CEBPA: variants seen among roughly 807,000 people sequenced by gnomAD.
CEBPA encodes the protein CCAAT enhancer binding protein alpha.
Under a neutral mutation model 5.1 loss-of-function variants are expected in CEBPA, and 2 were observed. That is an observed-to-expected ratio of 0.39 (90% CI 0.16 to 1.23). CEBPA has a LOEUF of 1.23. Ranked by LOEUF, CEBPA falls within the 50% of genes most tolerant of loss-of-function variation. The pLI is 0.34. For missense variants in CEBPA, 455 were observed against 537.4 expected, an observed-to-expected ratio of 0.85 and a Z score of 1.52; for synonymous variants, 275 against 264.1, an observed-to-expected ratio of 1.04 and a Z score of -0.40.
Position 33,301,055 on chromosome 19 carries a change from A to G in CEBPA, c.*283T>C, listed in dbSNP as rs1168010048. 6 of 548,164 alleles carry G rather than the reference A, an allele frequency of 1.1e-5. No individual in the cohort carries two copies. Among genetic ancestry groups the G allele is most frequent in the East Asian group, 6.0e-5 (2 of 33,490 alleles). The allele number at this position is 548,164 out of a possible 1,614,324, so 34.0% of individuals were successfully genotyped here. Reference sequence around the variant, plus strand: ...CGGTGAGTTTGCATTTCCAAGGCACAAGGTTATCCTAAATACTAGAGTTGC... The same window carrying G: ...CGGTGAGTTTGCATTTCCAAGGCACGAGGTTATCCTAAATACTAGAGTTGC... On this transcript the variant is annotated 3_prime_UTR_variant, in exon 1 of 1. Coordinates refer to ENST00000498907, the MANE Select transcript of CEBPA (RefSeq NM_004364.5). This position sits in a 1 kb window ranked among gnomAD's most constrained non-coding sequence, Gnocchi z 6.0.
Position 33,301,613 on chromosome 19 carries a change from C to A in CEBPA, c.802G>T (p.Gly268Cys), listed in dbSNP as rs1568419433. 2 of 1,593,778 alleles carry A rather than the reference C, an allele frequency of 1.3e-6. No homozygotes were observed. The highest frequency in any genetic ancestry group is 1.7e-4 in the Middle Eastern group (1 of 6,038). ...AAHPDLRASG[G>C]SGAGKAKKSV... ...TTCTTGGCCTTGCCCGCGCCGCTGC[C>A]GCCACTCGCGCGGAGGTCGGGGTGC... Residue 268 changes from glycine (G) to cysteine (C), a missense_variant, in exon 1 of 1, where the codon GGC becomes TGC. Physicochemically the swap from Gly to Cys is radical, Grantham distance 159. Coordinates refer to ENST00000498907, the MANE Select transcript of CEBPA (RefSeq NM_004364.5). The surrounding 1 kb of genome is among the most constrained non-coding windows in gnomAD (Gnocchi z 6.0).
chr19:33,300,700 C>A lies in CEBPA; in HGVS notation c.*638G>T. ...AGTTCCGCCCCAAGGGGAAGCCCAG[C>A]CTATAGCAGGCTGGGGTGGGGTGTG... On this transcript the variant is annotated 3_prime_UTR_variant, in exon 1 of 1. Coordinates refer to ENST00000498907, the MANE Select transcript of CEBPA (RefSeq NM_004364.5). 4.3e-6 allele frequency: 1 copy of A among 233,870 alleles called. No homozygotes were observed. The highest frequency in any genetic ancestry group is 8.4e-6 in the Non-Finnish European group (1 of 118,364). The allele number at this position is 233,870 out of a possible 1,614,324, so 14.5% of individuals were successfully genotyped here.
In CEBPA at chr19:33,300,020, G is replaced by C; in HGVS notation, c.*1318C>G. On this transcript the variant is annotated 3_prime_UTR_variant, in exon 1 of 1. Transcript: ENST00000498907. ...GTTCTCCCCAAAAGAAGAGAACCAA[G>C]CCGTCCTTCCCTGCTCCCAGCCCCA... 1 of 233,342 alleles carries C rather than the reference G, an allele frequency of 4.3e-6. No individual in the cohort carries two copies. The highest frequency in any genetic ancestry group is 8.5e-6 in the Non-Finnish European group (1 of 118,048). 14.5% of individuals were successfully genotyped at this position (233,342 alleles called of 1,614,324 possible).
rs1462981743 is a variant in CEBPA at position 33,301,185 on chromosome 19, G to A, written c.*153C>T. 22 of 1,289,866 alleles carry A rather than the reference G, an allele frequency of 1.7e-5. No individual in the cohort carries two copies. Among genetic ancestry groups the A allele is most frequent in the Non-Finnish European group, 2.3e-5 (22 of 966,018 alleles). 79.9% of individuals were successfully genotyped at this position (1,289,866 alleles called of 1,614,324 possible). On this transcript the variant is annotated 3_prime_UTR_variant, in exon 1 of 1. Transcript: ENST00000498907. This position sits in a 1 kb window ranked among gnomAD's most constrained non-coding sequence, Gnocchi z 6.0. ...CCAAGTCCGGCGCAGAGGAAGGGAG[G>A]GGACACGCGGAGCAGGCCAGGCTTT...
chr19:33,300,810 C>T lies in CEBPA; in HGVS notation c.*528G>A, dbSNP rs941717635. 2 of 242,530 alleles carry T rather than the reference C, an allele frequency of 8.2e-6. No homozygotes were observed. Among genetic ancestry groups the T allele is most frequent in the African/African-American group, 4.4e-5 (2 of 45,462 alleles). 15.0% of individuals were successfully genotyped at this position (242,530 alleles called of 1,614,324 possible). On this transcript the variant is annotated 3_prime_UTR_variant, in exon 1 of 1. Coordinates refer to ENST00000498907, the MANE Select transcript of CEBPA (RefSeq NM_004364.5). ...GGGAACAACCTTAGGTTCCAAGCCC[C>T]AAGTCCCTATGTTTCCACCCCTTTC...
rs776590829 is a variant in CEBPA, at chr19:33,301,540, T to G, written c.875A>C (p.Asn292Thr). Residue 292 changes from asparagine (N) to threonine (T), a missense_variant, in exon 1 of 1, where the codon AAC becomes ACC. Asn to Thr is a moderately conservative substitution (Grantham distance 65). Around this residue, in one of 5 missense-constraint regions of CEBPA, gnomAD observed 118 missense variants for 189.3 expected, o/e 0.62. Coordinates refer to ENST00000498907, the MANE Select transcript of CEBPA (RefSeq NM_004364.5). The surrounding 1 kb of genome is among the most constrained non-coding windows in gnomAD (Gnocchi z 6.0). ...GCGGCTCTTGCGCACCGCGATGTTG[T>G]TGCGCTCGCGCCGCACCCGGTACTC... ...SNEYRVRRER[N>T]NIAVRKSRDK... The G allele has an allele frequency of 6.2e-7, 1 of 1,613,386 alleles. No homozygotes were observed. The highest frequency in any genetic ancestry group is 1.7e-5 in the Admixed American group (1 of 60,004).
rs1488417025 is a variant in CEBPA, at chr19:33,301,897, A to C, written c.518T>G (p.Leu173Arg). 2 of 1,241,318 alleles carry C rather than the reference A, an allele frequency of 1.6e-6. No individual in the cohort carries two copies. Among genetic ancestry groups the C allele is most frequent in the Admixed American group, 3.5e-5 (1 of 28,476 alleles). 76.9% of individuals were successfully genotyped at this position (1,241,318 alleles called of 1,614,324 possible). A position where few individuals can be genotyped will look rare whatever the true frequency, so the allele number is the denominator to read the frequency against. ...GTAAGGGAAGAGGCCGGCCAGCGCC[A>C]GCTGCTTGGCTTCATCCTCCTCGCG... ...EPREEDEAKQ[L>R]ALAGLFPYQP... is the part of the protein sequence containing the mutation. The change falls in exon 1 of 1, where the codon CTG becomes CGG. Residue 173 changes from leucine to arginine, a missense_variant. By Grantham distance (102) the Leu-to-Arg change is moderately radical. This residue lies in a region of CEBPA where 141 missense variants were observed against 124.1 expected (regional missense o/e 1.14). Transcript: ENST00000498907. The surrounding 1 kb of genome is among the most constrained non-coding windows in gnomAD (Gnocchi z 6.0).
rs1237477774 is a variant in CEBPA at position 33,301,841 on chromosome 19, G to A, written c.574C>T (p.Pro192Ser). Residue 192 changes from proline (P) to serine (S), a missense_variant, in exon 1 of 1, where the codon CCG becomes TCG. By Grantham distance (74) the Pro-to-Ser change is moderately conservative (BLOSUM62 -1). Around this residue, in one of 5 missense-constraint regions of CEBPA, gnomAD observed 141 missense variants for 124.1 expected, o/e 1.14. Coordinates refer to ENST00000498907, the MANE Select transcript of CEBPA (RefSeq NM_004364.5). The surrounding 1 kb of genome is among the most constrained non-coding windows in gnomAD (Gnocchi z 6.0). The stretch of plus-strand genomic sequence containing the variant: ...TGCGCGGGCGGCGGGTGCGGGTGCG[G>A]GTGCGAGGGCGGCGGCGGCGGCGGC... ...QPPPPPPPSH[P>S]HPHPPPAHLA... The A allele has an allele frequency of 1.5e-6, 2 of 1,310,346 alleles. No individual in the cohort carries two copies. Among genetic ancestry groups the A allele is most frequent in the Non-Finnish European group, 1.9e-6 (2 of 1,027,422 alleles). 81.2% of individuals were successfully genotyped at this position (1,310,346 alleles called of 1,614,324 possible). A position where few individuals can be genotyped will look rare whatever the true frequency, so the allele number is the denominator to read the frequency against.
Position 33,301,912 on chromosome 19 carries a change from T to C in CEBPA, c.503A>G (p.Asp168Gly). 1 of 1,188,886 alleles carries C rather than the reference T, an allele frequency of 8.4e-7. No individual in the cohort carries two copies. The highest frequency in any genetic ancestry group is 1.1e-6 in the Non-Finnish European group (1 of 951,760). The allele number at this position is 1,188,886 out of a possible 1,614,324, so 73.6% of individuals were successfully genotyped here. The change falls in exon 1 of 1, where the codon GAT becomes GGT. Residue 168 changes from aspartate to glycine, a missense_variant. Asp to Gly is a moderately conservative substitution (Grantham distance 94). Transcript: ENST00000498907. This position sits in a 1 kb window ranked among gnomAD's most constrained non-coding sequence, Gnocchi z 6.0. ...LVIKQEPREE[D>G]EAKQLALAGL... ...GGCCAGCGCCAGCTGCTTGGCTTCA[T>C]CCTCCTCGCGGGGCTCCTGCTTGAT...
rs1967155881 is a variant in CEBPA, at chr19:33,301,354, A to G, written c.1061T>C (p.Met354Thr). Residue 354 changes from methionine to threonine, a missense_variant, in exon 1 of 1, where the codon ATG becomes ACG. Met to Thr is a moderately conservative substitution (Grantham distance 81). Transcript: ENST00000498907. This position sits in a 1 kb window ranked among gnomAD's most constrained non-coding sequence, Gnocchi z 6.0. ...CCGCGCGCCTCACGCGCAGTTGCCC[A>G]TGGCCTTGACCAAGGAGCTCTCTGG... is the stretch of plus-strand genomic sequence containing the variant. Reference protein sequence around the residue: ...QLPESSLVKAMGNCA With the variant: ...QLPESSLVKATGNCA 6.2e-7 allele frequency: 1 copy of G among 1,601,674 alleles called. No homozygotes were observed. The highest frequency in any genetic ancestry group is 8.5e-7 in the Non-Finnish European group (1 of 1,178,162).
At position 33,301,221 on chromosome 19, in the gene CEBPA, C is replaced by G. The variant is rs572666955; in HGVS notation, c.*117G>C. 2.1e-6 allele frequency: 3 copies of G among 1,439,216 alleles called. No homozygotes were observed. The East Asian group carries it at 7.5e-5, about 36-fold the overall frequency. The allele number at this position is 1,439,216 out of a possible 1,614,324, so 89.2% of individuals were successfully genotyped here. A position where few individuals can be genotyped will look rare whatever the true frequency, so the allele number is the denominator to read the frequency against. On this transcript the variant is annotated 3_prime_UTR_variant, in exon 1 of 1. Transcript: ENST00000498907. This position sits in a 1 kb window ranked among gnomAD's most constrained non-coding sequence, Gnocchi z 6.0. The stretch of plus-strand genomic sequence containing the variant: ...AGCAGGCCAGGCTTTCAGGAGGCAC[C>G]GGAATCTCCTAGTCCTGGCTCGCAC...
In CEBPA at chr19:33,301,691, C is replaced by T. The variant is rs530569305; in HGVS notation, c.724G>A (p.Gly242Ser). 8.3e-4 allele frequency: 963 copies of T among 1,166,366 alleles called. No individual in the cohort carries two copies. Among genetic ancestry groups the T allele is most frequent in the Non-Finnish European group, 9.5e-4 (905 of 949,358 alleles). 72.3% of individuals were successfully genotyped at this position (1,166,366 alleles called of 1,614,324 possible). ...CCAGGGCCCGGCAGGCCGGCGGCAC[C>T]GAGCGCGGGCGCGGGGTGCGGGCTG... Reference protein sequence around the residue: ...VPSPHPAPALGAAGLPGPGSA... With the variant: ...VPSPHPAPALSAAGLPGPGSA... Residue 242 changes from glycine (G) to serine (S), a missense_variant, in exon 1 of 1, where the codon GGT becomes AGT. Around this residue, in one of 5 missense-constraint regions of CEBPA, gnomAD observed 118 missense variants for 189.3 expected, o/e 0.62. Coordinates refer to ENST00000498907, the MANE Select transcript of CEBPA (RefSeq NM_004364.5). This position sits in a 1 kb window ranked among gnomAD's most constrained non-coding sequence, Gnocchi z 6.0.
In CEBPA at chr19:33,301,380, C is replaced by A. The variant is rs1181818523; in HGVS notation, c.1035G>T (p.Leu345=). The stretch of plus-strand genomic sequence containing the variant: ...TGGCCTTGACCAAGGAGCTCTCTGG[C>A]AGCTGGCGGAAGATGCCCCGCAGCG... ...LDTLRGIFRQ[L]PESSLVKAMG... is the part of the protein sequence containing the mutation. Residue 345 remains leucine, a synonymous_variant, in exon 1 of 1, where the codon CTG becomes CTT. Coordinates refer to ENST00000498907, the MANE Select transcript of CEBPA (RefSeq NM_004364.5). This position sits in a 1 kb window ranked among gnomAD's most constrained non-coding sequence, Gnocchi z 6.0. The A allele has an allele frequency of 6.2e-7, 1 of 1,608,018 alleles. No individual in the cohort carries two copies. Among genetic ancestry groups the A allele is most frequent in the South Asian group, 1.1e-5 (1 of 90,920 alleles).
chr19:33,301,824 C>A lies in CEBPA; in HGVS notation c.591G>T (p.Pro197=), dbSNP rs1253794663. 3 of 1,228,528 alleles carry A rather than the reference C, an allele frequency of 2.4e-6. No individual in the cohort carries two copies. Among genetic ancestry groups the A allele is most frequent in the Non-Finnish European group, 3.1e-6 (3 of 980,358 alleles). 76.1% of individuals were successfully genotyped at this position (1,228,528 alleles called of 1,614,324 possible). ...PPPSHPHPHP[P]PAHLAAPHLQ... is the part of the protein sequence containing the mutation. ...GGTGCGGGGCGGCCAGGTGCGCGGG[C>A]GGCGGGTGCGGGTGCGGGTGCGAGG... The change falls in exon 1 of 1, where the codon CCG becomes CCT. Residue 197 remains proline, a synonymous_variant. Transcript: ENST00000498907. The surrounding 1 kb of genome is among the most constrained non-coding windows in gnomAD (Gnocchi z 6.0).
At position 33,301,557 on chromosome 19, in the gene CEBPA, C is replaced by G. The variant is rs1967165387; in HGVS notation, c.858G>C (p.Arg286=). 2 of 1,613,040 alleles carry G rather than the reference C, an allele frequency of 1.2e-6. No individual in the cohort carries two copies. The highest frequency in any genetic ancestry group is 1.7e-6 in the Non-Finnish European group (2 of 1,179,732). Residue 286 remains arginine (R), a synonymous_variant, in exon 1 of 1, where the codon CGG becomes CGC. Coordinates refer to ENST00000498907, the MANE Select transcript of CEBPA (RefSeq NM_004364.5). The surrounding 1 kb of genome is among the most constrained non-coding windows in gnomAD (Gnocchi z 6.0). ...KSVDKNSNEY[R]VRRERNNIAV... ...CGATGTTGTTGCGCTCGCGCCGCAC[C>G]CGGTACTCGTTGCTGTTCTTGTCCA...
At position 33,301,047 on chromosome 19, in the gene CEBPA, C is replaced by G; in HGVS notation, c.*291G>C. On this transcript the variant is annotated 3_prime_UTR_variant, in exon 1 of 1. Transcript: ENST00000498907. This position sits in a 1 kb window ranked among gnomAD's most constrained non-coding sequence, Gnocchi z 6.0. ...CATTGGAGCGGTGAGTTTGCATTTCCAAGGCACAAGGTTATCCTAAATACT... is the reference window on the plus strand; with the variant it reads ...CATTGGAGCGGTGAGTTTGCATTTCGAAGGCACAAGGTTATCCTAAATACT... The G allele has an allele frequency of 1.9e-6, 1 of 516,996 alleles. No homozygotes were observed. The highest frequency in any genetic ancestry group is 3.1e-5 in the East Asian group (1 of 32,030). 32.0% of individuals were successfully genotyped at this position (516,996 alleles called of 1,614,324 possible). A position where few individuals can be genotyped will look rare whatever the true frequency, so the allele number is the denominator to read the frequency against.
rs1318381484 is a variant in CEBPA, at chr19:33,302,298, G to T, written c.117C>A (p.Pro39=). The change falls in exon 1 of 1, where the codon CCC becomes CCA. Residue 39 remains proline (P), a synonymous_variant. Coordinates refer to ENST00000498907, the MANE Select transcript of CEBPA (RefSeq NM_004364.5). ...CGGCAGGTGGGGCGGGAGGCTGCGC[G>T]GGGCCCGCGCCCCGGGGAAAGCCGA... ...AAFGFPRGAG[P]AQPPAPPAAP... The T allele has an allele frequency of 3.4e-6, 5 of 1,465,240 alleles. No homozygotes were observed. The Admixed American group carries it at 9.9e-5, about 29-fold the overall frequency. The allele number at this position is 1,465,240 out of a possible 1,614,324, so 90.8% of individuals were successfully genotyped here. A position where few individuals can be genotyped will look rare whatever the true frequency, so the allele number is the denominator to read the frequency against.
At position 33,301,650 on chromosome 19, in the gene CEBPA, C is replaced by G. The variant is rs1163957359; in HGVS notation, c.765G>C (p.Gly255=). ...GGAGGTCGGGGTGCGCGGCGCCCAG[C>G]CCCTTGAGCGCGCTGCCAGGGCCCG... is the stretch of plus-strand genomic sequence containing the variant. ...GLPGPGSALK[G]LGAAHPDLRA... The change falls in exon 1 of 1, where the codon GGG becomes GGC. Residue 255 remains glycine, a synonymous_variant. Transcript: ENST00000498907. The surrounding 1 kb of genome is among the most constrained non-coding windows in gnomAD (Gnocchi z 6.0). The G allele has an allele frequency of 6.6e-7, 1 of 1,520,370 alleles. No homozygotes were observed. Among genetic ancestry groups the G allele is most frequent in the Admixed American group, 2.0e-5 (1 of 49,174 alleles). 94.2% of individuals were successfully genotyped at this position (1,520,370 alleles called of 1,614,324 possible).
In CEBPA at chr19:33,301,258, G is replaced by A. The variant is rs1967150973; in HGVS notation, c.*80C>T. On this transcript the variant is annotated 3_prime_UTR_variant, in exon 1 of 1. Coordinates refer to ENST00000498907, the MANE Select transcript of CEBPA (RefSeq NM_004364.5). This position sits in a 1 kb window ranked among gnomAD's most constrained non-coding sequence, Gnocchi z 6.0. The stretch of plus-strand genomic sequence containing the variant: ...GTCCTGGCTCGCACGGCTCGGGCAA[G>A]CCTCGAGATCCGGCGACCCCAAACC... The A allele has an allele frequency of 1.3e-6, 2 of 1,490,804 alleles. No homozygotes were observed. Among genetic ancestry groups the A allele is most frequent in the Non-Finnish European group, 8.9e-7 (1 of 1,123,216 alleles). The allele number at this position is 1,490,804 out of a possible 1,614,324, so 92.3% of individuals were successfully genotyped here. A position where few individuals can be genotyped will look rare whatever the true frequency, so the allele number is the denominator to read the frequency against.
Sources: gnomAD v4.1 joint callset for allele counts on GRCh38, gnomAD v4.1.1 for gene constraint, gnomAD v4.1.1 regional missense constraint, Gnocchi (gnomAD v3.1) non-coding constraint, MANE v1.5 for transcripts, NCBI Gene and HGNC (gene_info 2026-07-23, HGNC 2026-07-21) for gene names.